CSMD1: variants seen among roughly 807,000 people sequenced by gnomAD.
CSMD1 encodes the protein CUB and sushi domain-containing protein 1.
A neutral mutation model predicts 417.5 loss-of-function variants in CSMD1; 213 were observed. That is an observed-to-expected ratio of 0.51 (90% CI 0.46 to 0.57). CSMD1 has a LOEUF of 0.57. Among genes scored for constraint, CSMD1 ranks in the 20% least tolerant of loss-of-function variants. The pLI is 0.00. For synonymous variants in CSMD1, 2,862 were observed against 1,736.8 expected, an observed-to-expected ratio of 1.65 and a Z score of -16.11; for missense variants, 6,923 against 4,529.7, an observed-to-expected ratio of 1.53 and a Z score of -15.17.
intron 3 of CSMD1, among the ~76,000 whole-genome samples, chr8:4,173,366 C>T (rs936597996): frequency 6.6e-6 from 1 of 152,060 alleles, no homozygotes; most frequent in Non-Finnish European, 1.5e-5. Flanking sequence ...TGATGCTGAA[C>T]AGAAGATGAG....
chr8:4,605,819 G>C (rs1030474107), intron 2 of CSMD1, among the ~76,000 whole-genome samples: 1 of 152,192 alleles, frequency 6.6e-6, no homozygotes, highest in African/African-American at 2.4e-5. Context: ...GGTGAAACTT[G>C]ATGGTGGACA....
intron 5 of CSMD1, among the ~76,000 whole-genome samples, chr8:3,857,370 G>C (rs1182168952): frequency 1.3e-5 from 2 of 152,168 alleles, no homozygotes; most frequent in African/African-American, 4.8e-5. Flanking sequence ...AAGCTCCTAA[G>C]ATTTAAAGAG....
intron 1 of CSMD1, among the ~76,000 whole-genome samples, chr8:4,689,041 C>G (rs1317234211): frequency 6.6e-6 from 1 of 152,144 alleles, no homozygotes; most frequent in African/African-American, 2.4e-5. Flanking sequence ...CTTCTGCTGT[C>G]CACATAATAA....
chr8:3,790,298 G>C (rs1346209966), intron 5 of CSMD1, among the ~76,000 whole-genome samples: 1 of 152,180 alleles, frequency 6.6e-6, no homozygotes. Context: ...AGTAAGTCAT[G>C]TGTAGCTACT....
At chr8:4,142,770 T>G (rs978855630) in intron 3 of CSMD1, among the ~76,000 whole-genome samples, 5 of 151,072 alleles carry the variant, frequency 3.3e-5, no homozygotes, top group African/African-American at 1.2e-4. Context: ...ACTTCATTAG[T>G]GCAAAACAGG....
intron 5 of CSMD1, among the ~76,000 whole-genome samples, chr8:3,820,875 C>A (rs1421752604): frequency 1.3e-5 from 2 of 151,960 alleles, no homozygotes; most frequent in African/African-American, 4.8e-5. Context: ...ACAATGCCTT[C>A]TTCGGAATAC....
chr8:4,154,670 T>C (rs1034002679), intron 3 of CSMD1, among the ~76,000 whole-genome samples: 1 of 152,216 alleles, frequency 6.6e-6, no homozygotes, highest in African/African-American at 2.4e-5. Context: ...CCTTAGTTGA[T>C]AACCTGAGAA....
intron 54 of CSMD1, among the ~76,000 whole-genome samples, chr8:2,979,484 T>C (rs1181469664): frequency 6.6e-6 from 1 of 152,184 alleles, no homozygotes; most frequent in Non-Finnish European, 1.5e-5. Context: ...CTTTTGCAGG[T>C]GCAGAGGAAA....
Position 3,466,973 on chromosome 8 carries a change from C to T in CSMD1, c.1561+1739G>A, listed in dbSNP as rs940055014. ...ATTACCTTTTTGCCTTTGGACTATT[C>T]TTTTGTCAAAGATAACACATGACAT... On this transcript the variant is annotated intron_variant, in intron 12 of 69. Coordinates refer to ENST00000635120, the MANE Select transcript of CSMD1 (RefSeq NM_033225.6). 3.9e-5 allele frequency among the ~76,000 whole-genome samples: 6 copies of T among 152,090 alleles called. No individual in the cohort carries two copies. The South Asian group carries it at 1.2e-3, about 32-fold the overall frequency.
At chr8:4,397,756 C>T (rs1157780509) in intron 3 of CSMD1, among the ~76,000 whole-genome samples, 2 of 151,876 alleles carry the variant, frequency 1.3e-5, no homozygotes, top group African/African-American at 4.8e-5. Context: ...ATAACAAAGA[C>T]ATGAAGGGAA....
At chr8:3,935,865 T>A (rs974796392) in intron 5 of CSMD1, among the ~76,000 whole-genome samples, 14 of 152,154 alleles carry the variant, frequency 9.2e-5, no homozygotes, top group Admixed American at 5.2e-4. Flanking sequence ...TAGAAATCAT[T>A]GGCCTTAGTG....
At chr8:4,322,585 C>G (rs1799332154) in intron 3 of CSMD1, among the ~76,000 whole-genome samples, 2 of 152,074 alleles carry the variant, frequency 1.3e-5, no homozygotes, top group African/African-American at 4.8e-5. Context: ...AGGAAAATTT[C>G]AACATAAAAG....
intron 5 of CSMD1, among the ~76,000 whole-genome samples, chr8:3,754,878 A>G (rs747576705): frequency 3.3e-5 from 5 of 152,228 alleles, no homozygotes. Flanking sequence ...TTCCTACCAA[A>G]GTAAAGAAGA....
intron 47 of CSMD1, among the ~76,000 whole-genome samples, chr8:3,096,501 A>G (rs1418411693): frequency 6.6e-6 from 1 of 152,142 alleles, no homozygotes; most frequent in Non-Finnish European, 1.5e-5. Context: ...GCCGTCATCC[A>G]TGTAAAATGT....
intron 15 of CSMD1, among the ~76,000 whole-genome samples, chr8:3,405,707 C>A (rs1388152513): frequency 6.6e-6 from 1 of 152,116 alleles, no homozygotes; most frequent in Non-Finnish European, 1.5e-5. Context: ...CCTTTTGAGT[C>A]TGGAGGCAGA....
At chr8:4,924,704 A>G (rs1354687164) in intron 1 of CSMD1, among the ~76,000 whole-genome samples, 1 of 148,718 alleles carries the variant, frequency 6.7e-6, no homozygotes, top group Non-Finnish European at 1.5e-5. Flanking sequence ...CCTGGGAGAC[A>G]AGAATGAAAC....
intron 52 of CSMD1, among the ~76,000 whole-genome samples, chr8:3,006,576 T>C (rs1807924190): frequency 6.6e-6 from 1 of 151,304 alleles, no homozygotes; most frequent in African/African-American, 2.5e-5. Context: ...AAAGCAGAGA[T>C]ATAGATCAAT....
At chr8:4,227,554 A>T (rs1437953561) in intron 3 of CSMD1, among the ~76,000 whole-genome samples, 1 of 152,042 alleles carries the variant, frequency 6.6e-6, no homozygotes, top group East Asian at 1.9e-4. Flanking sequence ...GGGTGCCAGG[A>T]AGCATAATTA....
chr8:4,307,740 T>A (rs1798325747), intron 3 of CSMD1, among the ~76,000 whole-genome samples: 2 of 152,134 alleles, frequency 1.3e-5, no homozygotes, highest in Admixed American at 6.6e-5. Flanking sequence ...AATACCTACA[T>A]GGGCAACCAG....
Sources: allele counts gnomAD v4.1 joint callset (sites outside exome capture counted in the v4.1 genomes callset), GRCh38; gene constraint gnomAD v4.1.1; transcripts MANE v1.5; gene names NCBI Gene and HGNC (gene_info 2026-07-23, HGNC 2026-07-21).